The following ABR variants were observed in gnomAD, a reference collection of about 807,000 sequenced individuals.
ABR encodes ABR activator of RhoGEF and GTPase, also known as active breakpoint cluster region-related protein.
ABR carries 35 observed loss-of-function variants against 107.2 expected under a neutral mutation model. The observed-to-expected ratio is 0.33, with a 90% confidence interval of 0.25 to 0.43. The LOEUF is 0.43. Among genes scored for constraint, ABR ranks in the 20% least tolerant of loss-of-function variants. ABR has a pLI of 1.00. For synonymous variants in ABR, 498 were observed against 462.0 expected (o/e 1.08, Z -1.00); for missense variants, 815 against 1,115.2 (o/e 0.73, Z 3.83).
Position 1,067,119 on chromosome 17 carries a change from C to G in ABR, c.1140G>C (p.Met380Ile). The change falls in exon 10 of 23, where the codon ATG becomes ATC. Residue 380 changes from methionine to isoleucine, a missense_variant. This residue lies in a region of ABR where 385 missense variants were observed against 596.9 expected (regional missense o/e 0.64). Transcript: ENST00000302538. ...TCTTGAGGGCAGAGATCTTCATCTT[C>G]ATGTCCTCCAGCTCATGGTCTGGGA... ...HPFPDHELED[M>I]KMKISALKSE... is the part of the protein sequence containing the mutation. 6.2e-7 allele frequency: 1 copy of G among 1,613,946 alleles called. No individual in the cohort carries two copies.
chr17:1,198,392 G>A (rs1211706935), intron 1 of ABR, among the ~76,000 whole-genome samples: 1 of 151,572 alleles, frequency 6.6e-6, no homozygotes, highest in African/African-American at 2.4e-5. Flanking sequence ...AGCTTGGCCT[G>A]AGACACCAAC....
intron 16 of ABR, among the ~76,000 whole-genome samples, chr17:1,024,341 C>A (rs987399556): frequency 6.6e-6 from 1 of 152,214 alleles, no homozygotes; most frequent in Non-Finnish European, 1.5e-5. Context: ...ATCTGGGGCA[C>A]GCAGCCCAAC....
chr17:1,065,641 T>G (rs978196314), intron 10 of ABR, among the ~76,000 whole-genome samples: 2 of 152,196 alleles, frequency 1.3e-5, no homozygotes, highest in African/African-American at 4.8e-5. Context: ...GGTACTGGTA[T>G]GTAGTACACT....
intron 1 of ABR, among the ~76,000 whole-genome samples, chr17:1,140,281 G>C (rs926235299): frequency 1.3e-5 from 2 of 152,184 alleles, no homozygotes; most frequent in Non-Finnish European, 2.9e-5. Context: ...AGCTGGTTCC[G>C]GGGGAACAGA....
At chr17:1,016,204 T>C (rs1445013338) in intron 16 of ABR, among the ~76,000 whole-genome samples, 1 of 152,150 alleles carries the variant, frequency 6.6e-6, no homozygotes, top group African/African-American at 2.4e-5. Context: ...CAGTTGAAAA[T>C]TGAGTCCTCC....
intron 1 of ABR, among the ~76,000 whole-genome samples, chr17:1,160,237 G>A (rs536407223): frequency 2.6e-5 from 4 of 151,590 alleles, no homozygotes; most frequent in Non-Finnish European, 5.9e-5. Context: ...CTAGGCGACA[G>A]AGCAAGACTC....
Position 1,072,674 on chromosome 17 carries a change from C to T in ABR, c.834G>A (p.Leu278=). 6.2e-7 allele frequency: 1 copy of T among 1,613,388 alleles called. No individual in the cohort carries two copies. The highest frequency in any genetic ancestry group is 1.7e-5 in the Admixed American group (1 of 59,892). Reference sequence around the variant, plus strand: ...GGTCGATGTCCTCGTTGATGCTGGACAGGAAGTTCTGGGAGATGCGGAGGG... The same window carrying T: ...GGTCGATGTCCTCGTTGATGCTGGATAGGAAGTTCTGGGAGATGCGGAGGG... ...QDALRISQNF[L]SSINEDIDPR... Residue 278 remains leucine, a synonymous_variant, in exon 8 of 23, where the codon CTG becomes CTA. Coordinates refer to ENST00000302538, the MANE Select transcript of ABR (RefSeq NM_021962.5).
At chr17:1,097,854 C>A (rs1018731866) in intron 3 of ABR, among the ~76,000 whole-genome samples, 4 of 152,136 alleles carry the variant, frequency 2.6e-5, no homozygotes, top group African/African-American at 9.7e-5. Flanking sequence ...ACGTGTTTCA[C>A]GAATGTCTGA....
Position 1,179,128 on chromosome 17 carries a change from C to T in ABR, c.61+539G>A, listed in dbSNP as rs2151625609. The stretch of plus-strand genomic sequence containing the variant: ...TCCAAACGGCCCCCGCGGATATCTG[C>T]ACCCCCCGTCTCCCCTCCCACCCGA... On this transcript the variant is annotated intron_variant, in intron 1 of 22. Coordinates refer to ENST00000302538, the MANE Select transcript of ABR (RefSeq NM_021962.5). This position sits in a 1 kb window ranked among gnomAD's most constrained non-coding sequence, Gnocchi z 4.9. Among the ~76,000 whole-genome samples, 1 of 151,960 alleles carries T rather than the reference C, an allele frequency of 6.6e-6. No individual in the cohort carries two copies. The highest frequency in any genetic ancestry group is 6.5e-5 in the Admixed American group (1 of 15,280).
intron 11 of ABR, 60 bp downstream of exon 11, chr17:1,058,685 G>A: frequency 6.3e-7 from 1 of 1,586,648 alleles, no homozygotes; most frequent in Non-Finnish European, 8.6e-7. Context: ...AGGAGCCACA[G>A]AGTGGGCTGC....
chr17:1,013,221 C>T (rs2070788847), intron 16 of ABR, 57 bp from the exon 17 acceptor site: 1 of 1,552,682 alleles, frequency 6.4e-7, no homozygotes, highest in Admixed American at 1.7e-5. Flanking sequence ...AGCCAGAGAT[C>T]TCCCCGTGGG....
At chr17:1,189,083 G>T (rs1188392610), upstream of ABR, among the ~76,000 whole-genome samples, 1 of 152,200 alleles carries the variant, frequency 6.6e-6, no homozygotes, top group South Asian at 2.1e-4. Context: ...CCGGTGCCAG[G>T]AGCTGGCACG....
chr17:1,048,181 A>G (rs1490186199), intron 16 of ABR, among the ~76,000 whole-genome samples: 13 of 152,166 alleles, frequency 8.5e-5, no homozygotes, highest in Admixed American at 8.5e-4. Context: ...CTAAATCACG[A>G]AGGACTGGCT....
At chr17:1,135,303 T>C (rs12945351) in intron 1 of ABR, among the ~76,000 whole-genome samples, 12,600 of 152,232 alleles carry the variant, frequency 0.083, 602 homozygotes, top group Middle Eastern at 0.18. Flanking sequence ...TGGCCCATGA[T>C]CCTCTGCAGG....
chr17:1,128,831 G>C (rs1200523369), intron 1 of ABR, among the ~76,000 whole-genome samples: 1 of 118,686 alleles, frequency 8.4e-6, no homozygotes, highest in African/African-American at 3.1e-5. Context: ...GGGCACAGTG[G>C]AGCCCACCCC....
rs544273342 is a variant in ABR at position 1,083,333 on chromosome 17, T to C, written c.639+187A>G. The C allele has an allele frequency of 3.7e-4, 83 of 223,718 alleles. 1 individual carries two copies. The highest frequency in any genetic ancestry group is 6.2e-4 in the Non-Finnish European group (74 of 119,926). 13.9% of individuals were successfully genotyped at this position (223,718 alleles called of 1,614,324 possible). A position where few individuals can be genotyped will look rare whatever the true frequency, so the allele number is the denominator to read the frequency against. On this transcript the variant is annotated intron_variant, in intron 5 of 22. Coordinates refer to ENST00000302538, the MANE Select transcript of ABR (RefSeq NM_021962.5). ...AATCTGAAAGAGAATAATAAAAAAA[T>C]AAATAAAATAGATCGTTTTCTATTA...
intron 1 of ABR, among the ~76,000 whole-genome samples, chr17:1,132,588 G>A (rs113644285): frequency 0.015 from 2,341 of 151,900 alleles, 74 homozygotes; most frequent in African/African-American, 0.053. Flanking sequence ...CGTGTTAGCC[G>A]GGATGGTCTC....
intron 1 of ABR, among the ~76,000 whole-genome samples, chr17:1,164,765 C>G (rs1248717353): frequency 3.3e-5 from 5 of 152,074 alleles, no homozygotes; most frequent in African/African-American, 1.2e-4. Context: ...TTCCCCAGCT[C>G]AAGCCATCCT....
intron 2 of ABR, among the ~76,000 whole-genome samples, chr17:1,112,084 T>G (rs1336594231): frequency 6.6e-6 from 1 of 152,182 alleles, no homozygotes; most frequent in Admixed American, 6.5e-5. Flanking sequence ...CCCACCAAGC[T>G]TTAGAGCCTC....
Sources: allele counts gnomAD v4.1 joint callset (sites outside exome capture counted in the v4.1 genomes callset), GRCh38; gene constraint gnomAD v4.1.1; regional missense constraint gnomAD v4.1.1; non-coding constraint Gnocchi (gnomAD v3.1); transcripts MANE v1.5; gene names NCBI Gene and HGNC (gene_info 2026-07-23, HGNC 2026-07-21).